The following RHOBTB3 variants were observed in gnomAD, a reference collection of about 807,000 sequenced individuals.
RHOBTB3 encodes rho-related BTB domain-containing protein 3.
A neutral mutation model predicts 67.2 loss-of-function variants in RHOBTB3; 47 were observed. That is an observed-to-expected ratio of 0.70 (90% CI 0.55 to 0.89). The LOEUF (loss-of-function observed/expected upper bound fraction) is 0.89, where lower values mean the gene tolerates loss of function less well. Among genes scored for constraint, RHOBTB3 ranks in the 40% least tolerant of loss-of-function variants. RHOBTB3 has a pLI of 0.00. For missense variants in RHOBTB3, 631 were observed against 750.0 expected, an observed-to-expected ratio of 0.84 and a Z score of 1.85; for synonymous variants, 273 against 274.2, an observed-to-expected ratio of 1.00 and a Z score of 0.04.
chr5:95,791,638 C>G (rs192450613), intron 11 of RHOBTB3, among the ~76,000 whole-genome samples: 5 of 152,172 alleles, frequency 3.3e-5, no homozygotes, highest in Middle Eastern at 3.4e-3. Context: ...TCAAGTAATT[C>G]TCCTGCCTCA....
chr5:95,735,173 G>T (rs2112774206), intron 2 of RHOBTB3, among the ~76,000 whole-genome samples: 1 of 151,744 alleles, frequency 6.6e-6, no homozygotes, highest in Non-Finnish European at 1.5e-5. Flanking sequence ...CCATTTTTCT[G>T]CACTGTGTCC....
intron 1 of RHOBTB3, 82 bp downstream of exon 1, chr5:95,731,766 C>T (rs1050213574): frequency 1.1e-5 from 18 of 1,605,658 alleles, no homozygotes; most frequent in Non-Finnish European, 1.4e-5. Flanking sequence ...TGCCCATCCT[C>T]GCCGCGCGCT....
chr5:95,731,594 T>C lies in RHOBTB3; in HGVS notation c.-89T>C. The C allele has an allele frequency of 1.3e-6, 2 of 1,584,170 alleles. No homozygotes were observed. Among genetic ancestry groups the C allele is most frequent in the African/African-American group, 1.3e-5 (1 of 74,208 alleles). On this transcript the variant is annotated 5_prime_UTR_variant, in exon 1 of 12. Coordinates refer to ENST00000379982, the MANE Select transcript of RHOBTB3 (RefSeq NM_014899.4). ...GGGGACGCGGCCGGGGATGAGCGGA[T>C]TGCGGGTGAACTCGCCGCCCGGGGG...
chr5:95,719,159 T>G (rs1223285747), intron 1 of RHOBTB3, among the ~76,000 whole-genome samples: 1 of 152,210 alleles, frequency 6.6e-6, no homozygotes, highest in African/African-American at 2.4e-5. Flanking sequence ...GAGCATTTAA[T>G]GAACAATGTG....
upstream of RHOBTB3, among the ~76,000 whole-genome samples, chr5:95,729,202 A>G (rs989549952): frequency 3.9e-5 from 6 of 152,188 alleles, no homozygotes; most frequent in African/African-American, 1.4e-4. Context: ...CTTTCACTTT[A>G]TGGACTTGCC....
chr5:95,755,848 T>C, intron 6 of RHOBTB3, 87 bp downstream of exon 6: 1 of 1,333,194 alleles, frequency 7.5e-7, no homozygotes. Flanking sequence ...TACTGGTTAG[T>C]TTTACAGTGG....
At chr5:95,739,022 G>C (rs1755531006) in intron 3 of RHOBTB3, among the ~76,000 whole-genome samples, 1 of 152,010 alleles carries the variant, frequency 6.6e-6, no homozygotes, top group Admixed American at 6.6e-5. Context: ...TTACTCTTCA[G>C]CCAAACCATT....
At chr5:95,769,352 T>C in intron 8 of RHOBTB3, 4 of 470,244 alleles carry the variant, frequency 8.5e-6, no homozygotes, top group Admixed American at 8.4e-5. Flanking sequence ...CCACTGCTAC[T>C]GTACTTGCAC....
At chr5:95,783,984 G>GATAGCCT in intron 10 of RHOBTB3, 21 bp downstream of exon 10, 1 of 1,539,024 alleles carries the variant, frequency 6.5e-7, no homozygotes, top group Non-Finnish European at 8.8e-7. Flanking sequence ...CTGTGTATCT[G>GATAGCCT]ATAGCCTAGT....
intron 2 of RHOBTB3, among the ~76,000 whole-genome samples, chr5:95,733,499 C>A (rs941795297): frequency 1.3e-5 from 2 of 152,194 alleles, no homozygotes; most frequent in Non-Finnish European, 2.9e-5. Flanking sequence ...CCTGTTTATA[C>A]TGTTAATTTT....
chr5:95,725,489 C>T (rs575917963), intron 1 of RHOBTB3, among the ~76,000 whole-genome samples: 1 of 152,240 alleles, frequency 6.6e-6, no homozygotes, highest in Non-Finnish European at 1.5e-5. Flanking sequence ...TGTGCACACA[C>T]ACAAGCGCAC....
chr5:95,760,218 A>T (rs1745358736), intron 6 of RHOBTB3, among the ~76,000 whole-genome samples: 1 of 152,238 alleles, frequency 6.6e-6, no homozygotes, highest in Non-Finnish European at 1.5e-5. Context: ...ACACTGCATA[A>T]TGTATAAGTA....
intron 4 of RHOBTB3, 37 bp from the exon 5 acceptor site, chr5:95,752,202 T>C: frequency 8.1e-7 from 1 of 1,232,078 alleles, no homozygotes; most frequent in East Asian, 2.4e-5. Flanking sequence ...TATATAGTTT[T>C]GTTGGATCTT....
rs965353742 is a variant in RHOBTB3 at position 95,787,882 on chromosome 5, G to A, written c.1624-880G>A. Among the ~76,000 whole-genome samples the A allele has an allele frequency of 2.6e-5, 4 of 152,226 alleles. No homozygotes were observed. In the South Asian group the frequency reaches 6.2e-4, roughly 24 times the overall value. Reference sequence around the variant, plus strand: ...AAAACAGATTGTTTAATGGTACAGAGTTTCAGTTTGGGGTGATAGAAAAGG... The same window carrying A: ...AAAACAGATTGTTTAATGGTACAGAATTTCAGTTTGGGGTGATAGAAAAGG... On this transcript the variant is annotated intron_variant, in intron 10 of 11. Transcript: ENST00000379982.
intron 6 of RHOBTB3, among the ~76,000 whole-genome samples, chr5:95,760,809 T>G (rs1047414573): frequency 2.1e-4 from 32 of 152,210 alleles, no homozygotes; most frequent in Non-Finnish European, 4.3e-4. Flanking sequence ...CATTATATAC[T>G]TAAAGTTTTC....
rs769355070 is a variant in RHOBTB3, at chr5:95,731,892, G to A, written c.36G>A (p.Gly12=). 2 of 1,613,884 alleles carry A rather than the reference G, an allele frequency of 1.2e-6. No homozygotes were observed. The highest frequency in any genetic ancestry group is 3.3e-5 in the Admixed American group (2 of 60,030). ...SIHIVALGNE[G]DTFHQDNRPS... The stretch of plus-strand genomic sequence containing the variant: ...ACATCGTGGCGCTGGGGAACGAGGG[G>A]GACACATTCCACCAGGACAACCGGC... The change falls in exon 2 of 12, where the codon GGG becomes GGA. Residue 12 remains glycine, a synonymous_variant. Transcript: ENST00000379982.
chr5:95,759,753 T>C (rs1449242508), intron 6 of RHOBTB3, among the ~76,000 whole-genome samples: 1 of 152,240 alleles, frequency 6.6e-6, no homozygotes, highest in Non-Finnish European at 1.5e-5. Context: ...AGTTATGCAG[T>C]GGTTTTCCCA....
chr5:95,740,544 A>G (rs1322387704), intron 3 of RHOBTB3, among the ~76,000 whole-genome samples: 3 of 152,220 alleles, frequency 2.0e-5, no homozygotes, highest in East Asian at 1.9e-4. Context: ...TGCAAATTTT[A>G]CAAAAGAATA....
chr5:95,718,306 C>T (rs1305205858), intron 1 of RHOBTB3, among the ~76,000 whole-genome samples: 3 of 152,108 alleles, frequency 2.0e-5, no homozygotes, highest in Non-Finnish European at 4.4e-5. Context: ...GAAGTAGATG[C>T]AGTACAGTCC....
Sources: gnomAD v4.1 joint callset for allele counts (sites outside exome capture counted in the v4.1 genomes callset) on GRCh38, gnomAD v4.1.1 for gene constraint, MANE v1.5 for transcripts, NCBI Gene and HGNC (gene_info 2026-07-23, HGNC 2026-07-21) for gene names.